CHST11: variants seen among roughly 807,000 people sequenced by gnomAD.
CHST11 encodes carbohydrate sulfotransferase 11, also known as C4S-1.
CHST11 carries 9 observed loss-of-function variants against 30.4 expected under a neutral mutation model. The observed-to-expected ratio is 0.30, with a 90% CI of 0.18 to 0.52. CHST11 has a LOEUF of 0.52. CHST11 is among the 20% of genes least tolerant of loss of function. The pLI, the probability that CHST11 is intolerant of heterozygous loss-of-function variation, is 0.97. For synonymous variants in CHST11, 152 were observed against 187.8 expected (o/e 0.81, Z 1.56); for missense variants, 348 against 460.6 (o/e 0.76, Z 2.24).
intron 2 of CHST11, among the ~76,000 whole-genome samples, chr12:104,659,414 G>A (rs2039576419): frequency 6.6e-6 from 1 of 152,124 alleles, no homozygotes; most frequent in Non-Finnish European, 1.5e-5. Flanking sequence ...ATCTCCAAGA[G>A]CCATCACTGC....
chr12:104,695,755 G>A (rs1401867380), intron 2 of CHST11, among the ~76,000 whole-genome samples: 2 of 152,220 alleles, frequency 1.3e-5, no homozygotes, highest in South Asian at 2.1e-4. Context: ...ACCCAGAAGC[G>A]GCCCCAGCTC....
chr12:104,472,005 G>T (rs2037513996), intron 1 of CHST11, among the ~76,000 whole-genome samples: 1 of 152,134 alleles, frequency 6.6e-6, no homozygotes, highest in African/African-American at 2.4e-5. Flanking sequence ...CTGTCACCCA[G>T]GCTGGAATGC....
intron 2 of CHST11, among the ~76,000 whole-genome samples, chr12:104,711,537 G>C (rs552840187): frequency 1.2e-3 from 177 of 152,076 alleles, no homozygotes; most frequent in Middle Eastern, 6.8e-3. Flanking sequence ...GACAATGTCA[G>C]CCAATTTATA....
intron 2 of CHST11, among the ~76,000 whole-genome samples, chr12:104,631,017 G>T (rs758239840): frequency 6.6e-6 from 1 of 152,186 alleles, no homozygotes; most frequent in Non-Finnish European, 1.5e-5. Context: ...ACTGACGTGT[G>T]GTCAGGAGGA....
chr12:104,564,040 C>G (rs1277380595), intron 1 of CHST11, among the ~76,000 whole-genome samples: 2 of 152,042 alleles, frequency 1.3e-5, no homozygotes, highest in East Asian at 3.9e-4. Context: ...CCAGGAGCAT[C>G]GAGGATCAGG....
intron 1 of CHST11, among the ~76,000 whole-genome samples, chr12:104,491,910 C>T (rs2037750885): frequency 1.3e-5 from 2 of 152,188 alleles, no homozygotes. Flanking sequence ...CCACCTGCAG[C>T]CTCACTTGCT....
intron 2 of CHST11, among the ~76,000 whole-genome samples, chr12:104,732,079 G>A (rs1047747532): frequency 4.6e-5 from 7 of 152,250 alleles, no homozygotes; most frequent in Non-Finnish European, 8.8e-5. Flanking sequence ...GTCCCTCCAG[G>A]GAAGAGGATT....
At chr12:104,617,426 C>A (rs1050637049) in intron 2 of CHST11, among the ~76,000 whole-genome samples, 10 of 152,180 alleles carry the variant, frequency 6.6e-5, no homozygotes, top group Non-Finnish European at 8.8e-5. Context: ...TCTTACCATT[C>A]TCCCATCCCC....
chr12:104,657,340 A>C (rs781273105), intron 2 of CHST11, among the ~76,000 whole-genome samples: 1 of 152,228 alleles, frequency 6.6e-6, no homozygotes, highest in Non-Finnish European at 1.5e-5. Context: ...TGTGTTTTAA[A>C]ATACAAGCCT....
intron 1 of CHST11, among the ~76,000 whole-genome samples, chr12:104,498,491 A>C (rs1212273818): frequency 6.6e-6 from 1 of 152,192 alleles, no homozygotes; most frequent in Non-Finnish European, 1.5e-5. Context: ...ACCTCAAACC[A>C]CTAAAAAGCC....
intron 1 of CHST11, among the ~76,000 whole-genome samples, chr12:104,518,856 G>C (rs1704909): frequency 0.26 from 39,237 of 151,958 alleles, 5,229 homozygotes; most frequent in East Asian, 0.34. Flanking sequence ...GCAATTTACT[G>C]TGTAATTCTG....
intron 2 of CHST11, among the ~76,000 whole-genome samples, chr12:104,732,209 C>A (rs775471014): frequency 1.1e-4 from 16 of 152,206 alleles, no homozygotes; most frequent in Non-Finnish European, 2.1e-4. Context: ...GTGAGCTTTG[C>A]TGGCATGGAC....
chr12:104,650,231 T>A (rs1311431843), intron 2 of CHST11, among the ~76,000 whole-genome samples: 2 of 152,196 alleles, frequency 1.3e-5, no homozygotes, highest in Non-Finnish European at 2.9e-5. Flanking sequence ...AAAAGTGGAC[T>A]TGATGAGATT....
At chr12:104,633,152 C>G (rs1395950088) in intron 2 of CHST11, among the ~76,000 whole-genome samples, 1 of 152,158 alleles carries the variant, frequency 6.6e-6, no homozygotes, top group Non-Finnish European at 1.5e-5. Context: ...TGATGTTGTG[C>G]TCTCTTCTAA....
chr12:104,683,983 A>G (rs1691494129), intron 2 of CHST11, among the ~76,000 whole-genome samples: 1 of 152,202 alleles, frequency 6.6e-6, no homozygotes, highest in Non-Finnish European at 1.5e-5. Context: ...CAGAGAGGTG[A>G]AAGAATGTTC....
chr12:104,576,177 T>C (rs1418235912), intron 1 of CHST11, among the ~76,000 whole-genome samples: 2 of 152,108 alleles, frequency 1.3e-5, no homozygotes, highest in Non-Finnish European at 2.9e-5. Flanking sequence ...TTTCTTGCCT[T>C]AGCCTACTGT....
chr12:104,560,150 G>A (rs1394303866), intron 1 of CHST11, among the ~76,000 whole-genome samples: 1 of 152,180 alleles, frequency 6.6e-6, no homozygotes, highest in African/African-American at 2.4e-5. Flanking sequence ...GGAGAGGCAG[G>A]CAAGGGTTAG....
At chr12:104,677,967 G>A (rs1379866373) in intron 2 of CHST11, among the ~76,000 whole-genome samples, 1 of 152,214 alleles carries the variant, frequency 6.6e-6, no homozygotes, top group East Asian at 1.9e-4. Flanking sequence ...AGATCTTTCT[G>A]TGGTTGGTGC....
chr12:104,586,305 T>C (rs1489756349), intron 1 of CHST11, among the ~76,000 whole-genome samples: 1 of 152,124 alleles, frequency 6.6e-6, no homozygotes, highest in African/African-American at 2.4e-5. Flanking sequence ...GGACAAAGAA[T>C]GGGCGAAAAT....
Sources: gnomAD v4.1 joint callset for allele counts (sites outside exome capture counted in the v4.1 genomes callset) on GRCh38, gnomAD v4.1.1 for gene constraint, MANE v1.5 for transcripts, NCBI Gene and HGNC (gene_info 2026-07-23, HGNC 2026-07-21) for gene names.